Variants in TMEM94 observed in about 807,000 individuals in gnomAD.
The protein encoded by TMEM94 is transmembrane protein 94.
A neutral mutation model predicts 158.6 loss-of-function variants in TMEM94; 81 were observed. The observed-to-expected ratio is 0.51, with a 90% CI of 0.43 to 0.61. The LOEUF (loss-of-function observed/expected upper bound fraction) is 0.61, where lower values mean the gene tolerates loss of function less well. Among genes scored for constraint, TMEM94 ranks in the 20% least tolerant of loss-of-function variants. The pLI, the probability that TMEM94 is intolerant of heterozygous loss-of-function variation, is 0.00. For missense variants in TMEM94, 1,435 were observed against 1,762.0 expected (o/e 0.81, Z 3.32); for synonymous variants, 751 against 730.7 (o/e 1.03, Z -0.45).
At chr17:75,467,304 T>A (rs1011938474) in intron 1 of TMEM94, among the ~76,000 whole-genome samples, 1 of 151,740 alleles carries the variant, frequency 6.6e-6, no homozygotes, top group Non-Finnish European at 1.5e-5. Context: ...ATAAATGATA[T>A]TAAAATTTTT....
rs576663088 is a variant in TMEM94, at chr17:75,493,681, C to T, written c.2190-18C>T. The T allele has an allele frequency of 7.6e-5, 122 of 1,613,746 alleles. 1 individual carries two copies. In the South Asian group the frequency reaches 9.1e-4, roughly 12 times the overall value. On this transcript the variant is annotated intron_variant, in intron 17 of 31. Coordinates refer to ENST00000314256, the MANE Select transcript of TMEM94 (RefSeq NM_014738.6). Reference sequence around the variant, plus strand: ...CAGGCAGGAACACTCACCTCACCTCCGCCTGCTTCCCTGGCAGAAAGAAAG... The same window carrying T: ...CAGGCAGGAACACTCACCTCACCTCTGCCTGCTTCCCTGGCAGAAAGAAAG...
Position 75,456,708 on chromosome 17 carries a change from G to A in TMEM94, c.-150G>A, listed in dbSNP as rs897192225. 1.3e-5 allele frequency: 2 copies of A among 152,340 alleles called. No homozygotes were observed. Among genetic ancestry groups the A allele is most frequent in the South Asian group, 4.1e-4 (2 of 4,834 alleles). 9.4% of individuals were successfully genotyped at this position (152,340 alleles called of 1,614,324 possible). On this transcript the variant is annotated 5_prime_UTR_variant, in exon 1 of 32. Transcript: ENST00000314256. ...GGACGTGAAGTGAGGAGGGGGTTGG[G>A]AGGGGAGAGGACGCGGGCGAGGAAG...
chr17:75,494,565 G>A, intron 18 of TMEM94, 62 bp from the exon 19 acceptor site: 2 of 1,549,306 alleles, frequency 1.3e-6, no homozygotes, highest in South Asian at 2.4e-5. Flanking sequence ...ATCTGTGTGT[G>A]TGGCCCTGGG....
chr17:75,465,391 A>G (rs1424603722), intron 1 of TMEM94, among the ~76,000 whole-genome samples: 2 of 151,724 alleles, frequency 1.3e-5, no homozygotes, highest in South Asian at 2.1e-4. Flanking sequence ...GACTGTTTAT[A>G]TATCTTGTGA....
At position 75,491,044 on chromosome 17, in the gene TMEM94, A is replaced by C; in HGVS notation, c.1129-5A>C. On this transcript the variant is annotated splice_region_variant and splice_polypyrimidine_tract_variant and intron_variant, in intron 11 of 31. Transcript: ENST00000314256. The surrounding 1 kb of genome is among the most constrained non-coding windows in gnomAD (Gnocchi z 5.1). ...TGGCCTTGCAGACTTCCTCTCTCCC[A>C]CCAGGAAATGCTGCGCTGCATTTGG... The C allele has an allele frequency of 6.2e-7, 1 of 1,601,256 alleles. No individual in the cohort carries two copies. The highest frequency in any genetic ancestry group is 8.5e-7 in the Non-Finnish European group (1 of 1,173,124).
In TMEM94 at chr17:75,493,831, C is replaced by T. The variant is rs746024831; in HGVS notation, c.2322C>T (p.Gly774=). 2 of 1,613,612 alleles carry T rather than the reference C, an allele frequency of 1.2e-6. No homozygotes were observed. Among genetic ancestry groups the T allele is most frequent in the Non-Finnish European group, 1.7e-6 (2 of 1,180,028 alleles). The change falls in exon 18 of 32, where the codon GGC becomes GGT. Residue 774 remains glycine (G), a synonymous_variant. Transcript: ENST00000314256. ...GCATCGAGCTGGTACAGGTGCCCGG[C>T]CAAAGCAGCATCTTCACCATGTGCG... ...GKCIELVQVP[G]QSSIFTMCEL...
chr17:75,497,061 C>T, intron 25 of TMEM94, 52 bp from the exon 26 acceptor site: 1 of 1,519,944 alleles, frequency 6.6e-7, no homozygotes, highest in East Asian at 2.3e-5. Context: ...CTCCTATGCC[C>T]TTATTATTTG....
chr17:75,492,533 C>T lies in TMEM94; in HGVS notation c.1656C>T (p.His552=), dbSNP rs752538556. The T allele has an allele frequency of 4.3e-6, 7 of 1,613,430 alleles. 1 individual carries two copies. The South Asian group carries it at 7.7e-5, about 18-fold the overall frequency. The change falls in exon 15 of 32, where the codon CAC becomes CAT. Residue 552 remains histidine, a synonymous_variant. Coordinates refer to ENST00000314256, the MANE Select transcript of TMEM94 (RefSeq NM_014738.6). The surrounding 1 kb of genome is among the most constrained non-coding windows in gnomAD (Gnocchi z 4.4). ...YEAEDFVCDY[H]LEMLSLSQDQ... Reference sequence around the variant, plus strand: ...CAGAGGACTTTGTGTGTGACTACCACCTGGAGATGCTGAGCCTGTCCCAGG... The same window carrying T: ...CAGAGGACTTTGTGTGTGACTACCATCTGGAGATGCTGAGCCTGTCCCAGG...
At chr17:75,481,696 C>A (rs1289231915) in intron 2 of TMEM94, among the ~76,000 whole-genome samples, 2 of 152,216 alleles carry the variant, frequency 1.3e-5, no homozygotes, top group Admixed American at 6.5e-5. Flanking sequence ...GTGGGGAGAG[C>A]AGTGAGACGA....
rs1481129216 is a variant in TMEM94 at position 75,497,014 on chromosome 17, A to G, written c.3322-99A>G. ...CCCCTGTTCCCTCTGGCAGGATGTG[A>G]GCATCTATCTGGGCCCAGGGCAAGG... On this transcript the variant is annotated intron_variant, in intron 25 of 31. Coordinates refer to ENST00000314256, the MANE Select transcript of TMEM94 (RefSeq NM_014738.6). The G allele has an allele frequency of 5.3e-6, 6 of 1,128,274 alleles. No individual in the cohort carries two copies. In the African/African-American group the frequency reaches 9.2e-5, roughly 17 times the overall value. 69.9% of individuals were successfully genotyped at this position (1,128,274 alleles called of 1,614,324 possible).
intron 1 of TMEM94, among the ~76,000 whole-genome samples, chr17:75,470,757 A>G (rs1423892648): frequency 6.7e-6 from 1 of 149,464 alleles, no homozygotes; most frequent in Non-Finnish European, 1.5e-5. Context: ...TGTCTCAACT[A>G]AAAGTACAAA....
In TMEM94 at chr17:75,498,036, A is replaced by T. The variant is rs907989521; in HGVS notation, c.3490-139A>T. On this transcript the variant is annotated intron_variant, in intron 27 of 31. Transcript: ENST00000314256. This position sits in a 1 kb window ranked among gnomAD's most constrained non-coding sequence, Gnocchi z 6.7. ...GAGGAGGTAGTGGCACAGAGCTGGG[A>T]AAGACCCTTGCTGGGGCTTGAGCTC... The T allele has an allele frequency of 7.9e-7, 1 of 1,258,282 alleles. No individual in the cohort carries two copies. Among genetic ancestry groups the T allele is most frequent in the East Asian group, 2.4e-5 (1 of 41,126 alleles). The allele number at this position is 1,258,282 out of a possible 1,614,324, so 77.9% of individuals were successfully genotyped here.
chr17:75,484,703 T>C (rs2051442419), intron 2 of TMEM94, among the ~76,000 whole-genome samples: 1 of 151,800 alleles, frequency 6.6e-6, no homozygotes, highest in South Asian at 2.1e-4. Flanking sequence ...GGCCAAAAGA[T>C]AGCATCTCTA....
Position 75,494,783 on chromosome 17 carries a change from C to T in TMEM94, c.2564C>T (p.Ser855Phe). The change falls in exon 19 of 32, where the codon TCT becomes TTT. Residue 855 changes from serine (S) to phenylalanine (F), a missense_variant. Physicochemically the swap from Ser to Phe is radical, Grantham distance 155 (BLOSUM62 -2). This residue lies in a region of TMEM94 where 1,051 missense variants were observed against 1,254.4 expected (regional missense o/e 0.84). Transcript: ENST00000314256. ...GCCTGCATCCGCTTTGTCTACTTCT[C>T]TTTGGAGGATGAGCTCAAAAGCAAG... ...VNACIRFVYF[S>F]LEDELKSKVF... The T allele has an allele frequency of 6.2e-7, 1 of 1,613,682 alleles. No individual in the cohort carries two copies. Among genetic ancestry groups the T allele is most frequent in the Non-Finnish European group, 8.5e-7 (1 of 1,180,028 alleles).
In TMEM94 at chr17:75,498,809, C is replaced by G; in HGVS notation, c.3827+87C>G. 1 of 1,522,024 alleles carries G rather than the reference C, an allele frequency of 6.6e-7. No homozygotes were observed. The highest frequency in any genetic ancestry group is 8.8e-7 in the Non-Finnish European group (1 of 1,133,030). 94.3% of individuals were successfully genotyped at this position (1,522,024 alleles called of 1,614,324 possible). On this transcript the variant is annotated intron_variant, in intron 30 of 31. Coordinates refer to ENST00000314256, the MANE Select transcript of TMEM94 (RefSeq NM_014738.6). The surrounding 1 kb of genome is among the most constrained non-coding windows in gnomAD (Gnocchi z 6.7). ...CTAGGATCGGAGGGCGGGACCGGGG[C>G]CAGTGGTTTAACTGTACCCTGCCTG... is the stretch of plus-strand genomic sequence containing the variant.
chr17:75,485,767 A>AG lies in TMEM94; in HGVS notation c.145-100dup, dbSNP rs1193745066. ...CTGGAGCCCAGCCGAGGTCAAAGAG[A>AG]GGGGACCAAGGCGGCCATGGGGGCT... On this transcript the variant is annotated intron_variant, in intron 3 of 31. Transcript: ENST00000314256. The surrounding 1 kb of genome is among the most constrained non-coding windows in gnomAD (Gnocchi z 5.5). The AG allele has an allele frequency of 3.1e-5, 44 of 1,438,760 alleles. No individual in the cohort carries two copies. The highest frequency in any genetic ancestry group is 3.9e-5 in the Non-Finnish European group (42 of 1,072,070). 89.1% of individuals were successfully genotyped at this position (1,438,760 alleles called of 1,614,324 possible). A position where few individuals can be genotyped will look rare whatever the true frequency, so the allele number is the denominator to read the frequency against.
At chr17:75,461,093 CTTTTTTTTTTTT>C (rs59878082) in intron 1 of TMEM94, among the ~76,000 whole-genome samples, 1 of 69,678 alleles carries the variant, frequency 1.4e-5, no homozygotes, top group South Asian at 6.9e-4. Context: ...TTGCGATTGG[CTTTTTTTTTTTT>C]TTTTTTTTTT....
At chr17:75,479,605 A>C (rs1304782692) in intron 2 of TMEM94, among the ~76,000 whole-genome samples, 1 of 151,000 alleles carries the variant, frequency 6.6e-6, no homozygotes, top group Non-Finnish European at 1.5e-5. Flanking sequence ...GGCATGAGCC[A>C]CTGAGCCCGG....
In TMEM94 at chr17:75,467,784, G is replaced by A. The variant is rs551379679; in HGVS notation, c.-106-4016G>A. Among the ~76,000 whole-genome samples the A allele has an allele frequency of 2.3e-3, 339 of 150,580 alleles. 6 individuals carry two copies. Among genetic ancestry groups the A allele is most frequent in the African/African-American group, 6.5e-3 (268 of 40,974 alleles). ...CCTGACCTCGTGATCCACCCGCCTCGGCCTCCCAAAGTGCTGGGATTACAG... is the reference window on the plus strand; with the variant it reads ...CCTGACCTCGTGATCCACCCGCCTCAGCCTCCCAAAGTGCTGGGATTACAG... On this transcript the variant is annotated intron_variant, in intron 1 of 31. Transcript: ENST00000314256.
Sources: gnomAD v4.1 joint callset for allele counts (sites outside exome capture counted in the v4.1 genomes callset) on GRCh38, gnomAD v4.1.1 for gene constraint, gnomAD v4.1.1 regional missense constraint, Gnocchi (gnomAD v3.1) non-coding constraint, MANE v1.5 for transcripts, NCBI Gene and HGNC (gene_info 2026-07-23, HGNC 2026-07-21) for gene names.